Variants in GRM3 observed in about 807,000 individuals in gnomAD.
GRM3 encodes the protein metabotropic glutamate receptor 3.
GRM3 carries 26 observed loss-of-function variants against 70.5 expected under a neutral mutation model. The observed-to-expected ratio is 0.37, with a 90% confidence interval of 0.27 to 0.51. The LOEUF is 0.51. Ranked by LOEUF, GRM3 falls within the 20% of genes least tolerant of loss-of-function variation. GRM3 has a pLI of 0.93. For missense variants in GRM3, 859 were observed against 1,123.8 expected, an observed-to-expected ratio of 0.76 and a Z score of 3.37; for synonymous variants, 443 against 434.9, an observed-to-expected ratio of 1.02 and a Z score of -0.23.
At chr7:86,754,527 C>T (rs1796300115) in intron 1 of GRM3, among the ~76,000 whole-genome samples, 1 of 152,082 alleles carries the variant, frequency 6.6e-6, no homozygotes, top group Non-Finnish European at 1.5e-5. Flanking sequence ...ACAGTGGGAG[C>T]CATCATGAAG....
At chr7:86,801,387 C>T (rs1797680323) in intron 3 of GRM3, among the ~76,000 whole-genome samples, 1 of 152,096 alleles carries the variant, frequency 6.6e-6, no homozygotes, top group East Asian at 1.9e-4. Flanking sequence ...AAACATCTTA[C>T]AAGTTTGTTC....
chr7:86,826,050 G>A (rs1202033134), intron 3 of GRM3, among the ~76,000 whole-genome samples: 1 of 152,076 alleles, frequency 6.6e-6, no homozygotes, highest in African/African-American at 2.4e-5. Flanking sequence ...AACTTTGTTT[G>A]GGGAAAGCCT....
rs28546425 is a variant in GRM3, at chr7:86,791,930, G to T, written c.1324+4814G>T. ...AATTGTTCAGTAAAATTATTTCCATGTGCAAGAGTTATGTCATCCAGAATC... is the reference window on the plus strand; with the variant it reads ...AATTGTTCAGTAAAATTATTTCCATTTGCAAGAGTTATGTCATCCAGAATC... On this transcript the variant is annotated intron_variant, in intron 3 of 5. Coordinates refer to ENST00000361669, the MANE Select transcript of GRM3 (RefSeq NM_000840.3). 4.0e-3 allele frequency among the ~76,000 whole-genome samples: 606 copies of T among 152,196 alleles called. 5 individuals are homozygous for T. The highest frequency in any genetic ancestry group is 0.014 in the African/African-American group (580 of 41,518).
At chr7:86,780,864 A>G (rs1467508474) in intron 2 of GRM3, among the ~76,000 whole-genome samples, 1 of 152,214 alleles carries the variant, frequency 6.6e-6, no homozygotes, top group Non-Finnish European at 1.5e-5. Flanking sequence ...ATTGGTCATG[A>G]TCCTCAAATA....
chr7:86,694,584 G>A (rs565756714), intron 1 of GRM3, among the ~76,000 whole-genome samples: 64 of 148,706 alleles, frequency 4.3e-4, no homozygotes, highest in African/African-American at 1.5e-3. Flanking sequence ...AAAGAAAACC[G>A]AACCTCATTC....
chr7:86,764,973 C>G (rs906653589), intron 1 of GRM3, 33 bp from the exon 2 acceptor site: 1 of 1,407,508 alleles, frequency 7.1e-7, no homozygotes, highest in African/African-American at 1.4e-5. Flanking sequence ...GCTTTCTTTA[C>G]CATTTTTGTT....
At chr7:86,848,452 T>G (rs1209409970) in intron 4 of GRM3, among the ~76,000 whole-genome samples, 5 of 152,204 alleles carry the variant, frequency 3.3e-5, no homozygotes, top group African/African-American at 7.2e-5. Context: ...ATCCTTCAGA[T>G]GCCTGGAAGA....
intron 3 of GRM3, among the ~76,000 whole-genome samples, chr7:86,808,495 C>G (rs532176881): frequency 6.6e-6 from 1 of 151,568 alleles, no homozygotes; most frequent in Non-Finnish European, 1.5e-5. Context: ...TTTTTTTTCC[C>G]CCACAAATAA....
At chr7:86,696,124 A>C (rs1256350087) in intron 1 of GRM3, among the ~76,000 whole-genome samples, 1 of 152,182 alleles carries the variant, frequency 6.6e-6, no homozygotes, top group Non-Finnish European at 1.5e-5. Flanking sequence ...TTTGCACCAA[A>C]GTGCTCAGTC....
At chr7:86,827,465 T>C (rs1170667875) in intron 3 of GRM3, among the ~76,000 whole-genome samples, 2 of 151,944 alleles carry the variant, frequency 1.3e-5, no homozygotes, top group African/African-American at 4.8e-5. Context: ...TCACAACACA[T>C]ATATCTGAAA....
rs1797248288 is a variant in GRM3, at chr7:86,786,467, A to G, written c.675A>G (p.Thr225=). The G allele has an allele frequency of 1.1e-5, 17 of 1,614,254 alleles. No homozygotes were observed. Among genetic ancestry groups the G allele is most frequent in the Non-Finnish European group, 1.4e-5 (17 of 1,180,044 alleles). The stretch of plus-strand genomic sequence containing the variant: ...CCTCCGAGGGTGATTACGGGGAGAC[A>G]GGGATCGAGGCCTTCGAGCAGGAAG... ...TVASEGDYGE[T]GIEAFEQEAR... The change falls in exon 3 of 6, where the codon ACA becomes ACG. Residue 225 remains threonine, a synonymous_variant. Coordinates refer to ENST00000361669, the MANE Select transcript of GRM3 (RefSeq NM_000840.3). This position sits in a 1 kb window ranked among gnomAD's most constrained non-coding sequence, Gnocchi z 6.0.
chr7:86,732,133 T>C (rs2116280869), intron 1 of GRM3, among the ~76,000 whole-genome samples: 1 of 152,300 alleles, frequency 6.6e-6, no homozygotes, highest in South Asian at 2.1e-4. Flanking sequence ...GGACTATCTT[T>C]TGCTTATTCA....
At chr7:86,658,573 T>C (rs1343508385) in intron 1 of GRM3, among the ~76,000 whole-genome samples, 1 of 152,152 alleles carries the variant, frequency 6.6e-6, no homozygotes, top group African/African-American at 2.4e-5. Context: ...TAATTGTCTC[T>C]CTCCCCACTG....
chr7:86,677,194 T>G (rs1010952438), intron 1 of GRM3, among the ~76,000 whole-genome samples: 2 of 151,972 alleles, frequency 1.3e-5, no homozygotes, highest in Non-Finnish European at 2.9e-5. Flanking sequence ...TCCACTTAAT[T>G]TCCATTTATC....
chr7:86,826,270 C>A (rs1294396332), intron 3 of GRM3, among the ~76,000 whole-genome samples: 1 of 152,182 alleles, frequency 6.6e-6, no homozygotes, highest in African/African-American at 2.4e-5. Context: ...AATTTGCATT[C>A]AGACCCCACT....
chr7:86,789,485 C>A (rs1353055657), intron 3 of GRM3, among the ~76,000 whole-genome samples: 1 of 152,164 alleles, frequency 6.6e-6, no homozygotes, highest in African/African-American at 2.4e-5. Flanking sequence ...ATTATTACTG[C>A]TTTAAGCTTG....
At chr7:86,817,173 T>C (rs1242773970) in intron 3 of GRM3, among the ~76,000 whole-genome samples, 2 of 151,990 alleles carry the variant, frequency 1.3e-5, no homozygotes, top group Non-Finnish European at 2.9e-5. Context: ...CATTATCCAA[T>C]AATTATCACA....
At chr7:86,691,452 G>C (rs118046392) in intron 1 of GRM3, among the ~76,000 whole-genome samples, 1 of 152,146 alleles carries the variant, frequency 6.6e-6, no homozygotes, top group Non-Finnish European at 1.5e-5. Context: ...TCATCAATGA[G>C]AGAACCACAA....
chr7:86,693,217 C>G (rs1359091416), intron 1 of GRM3, among the ~76,000 whole-genome samples: 1 of 152,184 alleles, frequency 6.6e-6, no homozygotes, highest in Non-Finnish European at 1.5e-5. Flanking sequence ...CCAATCAAAA[C>G]CCTTTGAGGC....
Sources: allele counts gnomAD v4.1 joint callset (sites outside exome capture counted in the v4.1 genomes callset), GRCh38; gene constraint gnomAD v4.1.1; non-coding constraint Gnocchi (gnomAD v3.1); transcripts MANE v1.5; gene names NCBI Gene and HGNC (gene_info 2026-07-23, HGNC 2026-07-21).